DDR2: variants seen among roughly 807,000 people sequenced by gnomAD.
DDR2 encodes discoidin domain-containing receptor 2.
DDR2 carries 27 observed loss-of-function variants against 94.9 expected under a neutral mutation model. The observed-to-expected ratio is 0.28, with a 90% CI of 0.21 to 0.39. The LOEUF (loss-of-function observed/expected upper bound fraction) is 0.39. Among genes scored for constraint, DDR2 ranks in the 10% least tolerant of loss-of-function variants. The pLI, the probability that DDR2 is intolerant of heterozygous loss-of-function variation, is 1.00. For missense variants in DDR2, 783 were observed against 1,076.0 expected (o/e 0.73, Z 3.81); for synonymous variants, 382 against 377.2 (o/e 1.01, Z -0.15).
intron 16 of DDR2, among the ~76,000 whole-genome samples, chr1:162,777,010 A>G (rs1052179169): frequency 3.3e-5 from 5 of 152,100 alleles, no homozygotes; most frequent in African/African-American, 1.2e-4. Context: ...TGTACATGTT[A>G]TTTTATCTTT....
chr1:162,669,785 A>G (rs1261270943), intron 2 of DDR2, among the ~76,000 whole-genome samples: 1 of 152,164 alleles, frequency 6.6e-6, no homozygotes, highest in African/African-American at 2.4e-5. Flanking sequence ...AATGTTCTAC[A>G]TATTATTTTT....
In DDR2 at chr1:162,767,264, A is replaced by G; in HGVS notation, c.1198A>G (p.Ile400Val). 1 of 1,614,050 alleles carries G rather than the reference A, an allele frequency of 6.2e-7. No homozygotes were observed. Among genetic ancestry groups the G allele is most frequent in the Non-Finnish European group, 8.5e-7 (1 of 1,180,008 alleles). Residue 400 changes from isoleucine (I) to valine (V), a missense_variant, in exon 11 of 18, where the codon ATC (isoleucine) becomes GTC (valine). By Grantham distance (29) the Ile-to-Val change is conservative. This residue lies in a region of DDR2 where 519 missense variants were observed against 647.9 expected (regional missense o/e 0.80). Transcript: ENST00000367921. ...MLKVDDSNTR[I>V]LIGCLVAIIF... is the part of the protein sequence containing the mutation. ...TAAAGTTGATGACAGCAACACTCGG[A>G]TCCTGATTGGCTGCTTGGTGGCCAT...
At chr1:162,666,740 A>G (rs1176364205) in intron 2 of DDR2, among the ~76,000 whole-genome samples, 1 of 152,110 alleles carries the variant, frequency 6.6e-6, no homozygotes, top group Admixed American at 6.6e-5. Flanking sequence ...AAGTTGTACT[A>G]ACCTCAAATC....
chr1:162,731,726 T>C (rs2102061878), intron 3 of DDR2, among the ~76,000 whole-genome samples: 1 of 152,340 alleles, frequency 6.6e-6, no homozygotes, highest in Non-Finnish European at 1.5e-5. Context: ...CCCCATTACA[T>C]TCTATAAAGT....
intron 3 of DDR2, 66 bp from the exon 4 acceptor site, chr1:162,753,029 C>T (rs1295983850): frequency 7.3e-7 from 1 of 1,375,908 alleles, no homozygotes; most frequent in African/African-American, 1.4e-5. Context: ...GATATTCTTC[C>T]TAGGGGGCTT....
chr1:162,663,162 T>G (rs1306562755), intron 2 of DDR2, among the ~76,000 whole-genome samples: 1 of 152,214 alleles, frequency 6.6e-6, no homozygotes, highest in Admixed American at 6.5e-5. Flanking sequence ...TATGTATCTT[T>G]TCTTGAGAAC....
intron 3 of DDR2, among the ~76,000 whole-genome samples, chr1:162,741,393 C>T (rs773865602): frequency 9.4e-5 from 14 of 148,568 alleles, no homozygotes; most frequent in Non-Finnish European, 1.8e-4. Flanking sequence ...TTCCTTTGAA[C>T]GTCATGCTGG....
intron 11 of DDR2, among the ~76,000 whole-genome samples, chr1:162,768,489 GGGGAC>G (rs1348302128): frequency 6.6e-6 from 1 of 152,164 alleles, no homozygotes; most frequent in Non-Finnish European, 1.5e-5. Context: ...GTTTGGGGGT[GGGGAC>G]TCAGAGGAGA....
intron 2 of DDR2, among the ~76,000 whole-genome samples, chr1:162,668,022 G>A (rs1490909808): frequency 6.6e-6 from 1 of 152,170 alleles, no homozygotes; most frequent in Non-Finnish European, 1.5e-5. Flanking sequence ...TGAGGTAGGG[G>A]GAGTGGGGGA....
chr1:162,639,774 A>G (rs761957676), intron 1 of DDR2, among the ~76,000 whole-genome samples: 4 of 152,242 alleles, frequency 2.6e-5, no homozygotes, highest in African/African-American at 9.6e-5. Flanking sequence ...ACTTTACGAC[A>G]GTGCAAAAGT....
chr1:162,727,898 C>T (rs1038140612), intron 3 of DDR2, among the ~76,000 whole-genome samples: 1 of 148,524 alleles, frequency 6.7e-6, no homozygotes, highest in Non-Finnish European at 1.5e-5. Flanking sequence ...TTGCCACATC[C>T]ATACTCTTCA....
rs140518035 is a variant in DDR2, at chr1:162,697,407, G to A, written c.-27-21630G>A. ...ATAGTCATTTGCTGAAAACTGAAGT[G>A]TCCCAACAAATGTCGGGTTAGACCT... On this transcript the variant is annotated intron_variant, in intron 2 of 17. Coordinates refer to ENST00000367921, the MANE Select transcript of DDR2 (RefSeq NM_006182.4). 2.1e-3 allele frequency among the ~76,000 whole-genome samples: 323 copies of A among 152,276 alleles called. 2 individuals are homozygous for A. Among genetic ancestry groups the A allele is most frequent in the African/African-American group, 7.3e-3 (304 of 41,550 alleles).
chr1:162,780,939 T>C lies in DDR2; in HGVS notation c.*693T>C, dbSNP rs1175794924. ...GGAAAGAATGTCTGCTGCAAGAGTG[T>C]ATGAAGGGGGATTGTCATTTACAAA... On this transcript the variant is annotated 3_prime_UTR_variant, in exon 18 of 18. Transcript: ENST00000367921. The C allele has an allele frequency of 7.4e-6, 1 of 135,750 alleles. No individual in the cohort carries two copies. The highest frequency in any genetic ancestry group is 2.7e-5 in the African/African-American group (1 of 36,544). 8.4% of individuals were successfully genotyped at this position (135,750 alleles called of 1,614,324 possible). A position where few individuals can be genotyped will look rare whatever the true frequency, so the allele number is the denominator to read the frequency against.
intron 2 of DDR2, among the ~76,000 whole-genome samples, chr1:162,704,330 C>A (rs571254364): frequency 6.6e-6 from 1 of 152,232 alleles, no homozygotes; most frequent in East Asian, 1.9e-4. Context: ...TGTAAAGGGG[C>A]AGCAAAGCCA....
At chr1:162,765,669 C>G (rs1320295153) in intron 9 of DDR2, among the ~76,000 whole-genome samples, 1 of 151,534 alleles carries the variant, frequency 6.6e-6, no homozygotes, top group Non-Finnish European at 1.5e-5. Context: ...CCGCTATATT[C>G]TGTCTATATT....
Position 162,780,393 on chromosome 1 carries a change from C to T in DDR2, c.*147C>T. 1 of 1,177,466 alleles carries T rather than the reference C, an allele frequency of 8.5e-7. No individual in the cohort carries two copies. Among genetic ancestry groups the T allele is most frequent in the Non-Finnish European group, 1.2e-6 (1 of 818,176 alleles). 72.9% of individuals were successfully genotyped at this position (1,177,466 alleles called of 1,614,324 possible). A position where few individuals can be genotyped will look rare whatever the true frequency, so the allele number is the denominator to read the frequency against. On this transcript the variant is annotated 3_prime_UTR_variant, in exon 18 of 18. Transcript: ENST00000367921. Reference sequence around the variant, plus strand: ...CTTTGCCCTCTTTTCCTGGTCACCCCCACTCCCTACCCCTGACTCATATAC... The same window carrying T: ...CTTTGCCCTCTTTTCCTGGTCACCCTCACTCCCTACCCCTGACTCATATAC...
chr1:162,652,640 G>A (rs1657761786), intron 1 of DDR2, among the ~76,000 whole-genome samples: 2 of 152,188 alleles, frequency 1.3e-5, no homozygotes, highest in Admixed American at 1.3e-4. Flanking sequence ...ACTGAGTGCT[G>A]AGTACCCACT....
chr1:162,767,061 G>GAAAAA lies in DDR2; in HGVS notation c.1163-164_1163-163insAAAAA, dbSNP rs5778292. The stretch of plus-strand genomic sequence containing the variant: ...AAAAAAAGTAATAAAACAGTAGCAA[G>GAAAAA]AAAACAAAACAGTAGCAAGAGCAAG... On this transcript the variant is annotated intron_variant, in intron 10 of 17. Coordinates refer to ENST00000367921, the MANE Select transcript of DDR2 (RefSeq NM_006182.4). Among the ~76,000 whole-genome samples, 1,413 of 145,218 alleles carry GAAAAA rather than the reference G, an allele frequency of 9.7e-3. 31 individuals carry two copies. Among genetic ancestry groups the GAAAAA allele is most frequent in the African/African-American group, 0.025 (993 of 39,608 alleles).
At chr1:162,701,470 G>C (rs1660429183) in intron 2 of DDR2, among the ~76,000 whole-genome samples, 1 of 152,258 alleles carries the variant, frequency 6.6e-6, no homozygotes, top group Non-Finnish European at 1.5e-5. Context: ...CTTTGACTCT[G>C]TATCAGTATG....
Sources: gnomAD v4.1 joint callset for allele counts (sites outside exome capture counted in the v4.1 genomes callset) on GRCh38, gnomAD v4.1.1 for gene constraint, gnomAD v4.1.1 regional missense constraint, MANE v1.5 for transcripts, NCBI Gene and HGNC (gene_info 2026-07-23, HGNC 2026-07-21) for gene names.